Variants in CADM2 observed in about 807,000 individuals in gnomAD.
CADM2 encodes cell adhesion molecule 2, also known as immunoglobulin superfamily member 4D.
CADM2 carries 12 observed loss-of-function variants against 49.8 expected under a neutral mutation model. The observed-to-expected ratio is 0.24, with a 90% CI of 0.15 to 0.39. The LOEUF is 0.39. Ranked by LOEUF, CADM2 falls within the 10% of genes least tolerant of loss-of-function variation. The probability of loss-of-function intolerance (pLI) is 1.00; values close to 1 mark genes in which losing one functional copy is unlikely to be tolerated. For synonymous variants in CADM2, 214 were observed against 175.4 expected (o/e 1.22, Z -1.74); for missense variants, 378 against 492.3 (o/e 0.77, Z 2.20).
chr3:85,620,452 A>C (rs1238324178), intron 1 of CADM2, among the ~76,000 whole-genome samples: 1 of 152,060 alleles, frequency 6.6e-6, no homozygotes, highest in African/African-American at 2.4e-5. Context: ...AAAACAACTT[A>C]AAATTTATGA....
intron 1 of CADM2, among the ~76,000 whole-genome samples, chr3:85,346,685 C>A (rs1241850940): frequency 6.6e-6 from 1 of 152,102 alleles, no homozygotes; most frequent in Non-Finnish European, 1.5e-5. Context: ...AACACAAATT[C>A]TCTTAAAAAT....
intron 1 of CADM2, among the ~76,000 whole-genome samples, chr3:85,453,588 T>G (rs2107573574): frequency 6.6e-6 from 1 of 152,184 alleles, no homozygotes. Flanking sequence ...CATCCCAAAT[T>G]TTTTTTGTGT....
At chr3:85,805,205 A>G (rs1433505450) in intron 3 of CADM2, among the ~76,000 whole-genome samples, 2 of 152,032 alleles carry the variant, frequency 1.3e-5, no homozygotes, top group Non-Finnish European at 2.9e-5. Context: ...TGGCCTCTCA[A>G]AGTTCTGGGA....
At chr3:85,372,357 G>C (rs181935589) in intron 1 of CADM2, among the ~76,000 whole-genome samples, 243 of 150,970 alleles carry the variant, frequency 1.6e-3, no homozygotes, top group African/African-American at 5.5e-3. Context: ...ATATATGTGT[G>C]TGTGTGTATA....
At chr3:85,710,830 C>T (rs1377069985) in intron 1 of CADM2, among the ~76,000 whole-genome samples, 1 of 152,114 alleles carries the variant, frequency 6.6e-6, no homozygotes, top group Non-Finnish European at 1.5e-5. Flanking sequence ...CTCTGCCCTT[C>T]TATTTAGAGT....
chr3:85,996,912 C>T (rs1729502491), intron 8 of CADM2, among the ~76,000 whole-genome samples: 1 of 152,136 alleles, frequency 6.6e-6, no homozygotes, highest in Non-Finnish European at 1.5e-5. Flanking sequence ...AATTCCTGTT[C>T]TTACACTTCT....
chr3:84,993,800 A>G (rs1054640778), intron 1 of CADM2, among the ~76,000 whole-genome samples: 3 of 151,874 alleles, frequency 2.0e-5, no homozygotes, highest in African/African-American at 4.8e-5. Context: ...TTTTCCTACT[A>G]TTGTCTCTAA....
intron 1 of CADM2, among the ~76,000 whole-genome samples, chr3:85,313,517 T>C (rs1443521765): frequency 6.6e-6 from 1 of 152,164 alleles, no homozygotes; most frequent in Non-Finnish European, 1.5e-5. Flanking sequence ...TCAGTTCACT[T>C]CTTTTGGCCA....
chr3:86,014,997 G>A (rs1248432217), intron 8 of CADM2: 1 of 1,095,990 alleles, frequency 9.1e-7, no homozygotes, highest in Non-Finnish European at 1.4e-6. Flanking sequence ...GAGTAACTTG[G>A]CTTTGCTTAA....
At chr3:85,286,914 T>G (rs149172968) in intron 1 of CADM2, among the ~76,000 whole-genome samples, 55 of 152,288 alleles carry the variant, frequency 3.6e-4, no homozygotes, top group African/African-American at 1.1e-3. Flanking sequence ...TCATTCAATA[T>G]CAGTAATTTG....
intron 8 of CADM2, among the ~76,000 whole-genome samples, chr3:85,967,191 C>T (rs986128796): frequency 2.6e-5 from 4 of 151,602 alleles, no homozygotes; most frequent in Admixed American, 2.0e-4. Flanking sequence ...AGACACATAT[C>T]GTTTTCAGAG....
intron 1 of CADM2, among the ~76,000 whole-genome samples, chr3:85,477,771 T>C (rs1410101330): frequency 2.0e-5 from 3 of 151,912 alleles, no homozygotes; most frequent in Admixed American, 2.0e-4. Flanking sequence ...TAAAGAACTC[T>C]GGTCTATGTA....
intron 8 of CADM2, among the ~76,000 whole-genome samples, chr3:86,053,374 C>T (rs1450455974): frequency 1.3e-5 from 2 of 152,096 alleles, no homozygotes; most frequent in African/African-American, 4.8e-5. Flanking sequence ...ACTTATCCAC[C>T]ACTTATACTT....
intron 1 of CADM2, among the ~76,000 whole-genome samples, chr3:85,202,932 C>G (rs2041545088): frequency 6.6e-6 from 1 of 152,136 alleles, no homozygotes; most frequent in Admixed American, 6.5e-5. Context: ...TGGAGACAGC[C>G]TTTTTCTTAA....
intron 1 of CADM2, among the ~76,000 whole-genome samples, chr3:85,427,792 A>G (rs1169082882): frequency 6.6e-6 from 1 of 152,114 alleles, no homozygotes; most frequent in African/African-American, 2.4e-5. Flanking sequence ...TATTTAAAAC[A>G]TGTTTCCTAC....
rs376895181 is a variant in CADM2 at position 85,258,583 on chromosome 3, G to T, written c.61+298915G>T. On this transcript the variant is annotated intron_variant, in intron 1 of 9. Coordinates refer to ENST00000383699, the MANE Select transcript of CADM2 (RefSeq NM_001167675.2). ...AGGTTGCCGGAAGAAAGCCACAGAA[G>T]GAAGCCAAGACGCTATCCAATCCCT... Among the ~76,000 whole-genome samples, 3 of 151,716 alleles carry T rather than the reference G, an allele frequency of 2.0e-5. No homozygotes were observed. The East Asian group carries it at 5.8e-4, about 29-fold the overall frequency.
intron 5 of CADM2, among the ~76,000 whole-genome samples, chr3:85,899,977 T>C (rs769285896): frequency 3.3e-5 from 5 of 152,174 alleles, no homozygotes; most frequent in Non-Finnish European, 7.3e-5. Context: ...CTCTGCAAAC[T>C]GATTTTGCCT....
chr3:85,413,953 C>T (rs541507120), intron 1 of CADM2, among the ~76,000 whole-genome samples: 29 of 152,238 alleles, frequency 1.9e-4, no homozygotes, highest in African/African-American at 6.3e-4. Context: ...CAACCTCTGC[C>T]TCCAGGGTTC....
intron 1 of CADM2, among the ~76,000 whole-genome samples, chr3:85,460,219 A>C (rs1353430684): frequency 6.6e-6 from 1 of 152,088 alleles, no homozygotes; most frequent in South Asian, 2.1e-4. Context: ...AACTCAGATT[A>C]GTTGAAAAAT....
Sources: gnomAD v4.1 joint callset for allele counts (sites outside exome capture counted in the v4.1 genomes callset) on GRCh38, gnomAD v4.1.1 for gene constraint, MANE v1.5 for transcripts, NCBI Gene and HGNC (gene_info 2026-07-23, HGNC 2026-07-21) for gene names.